Variants in NDFIP2 observed in about 807,000 individuals in gnomAD.
NDFIP2 encodes the protein NEDD4 family-interacting protein 2.
In NDFIP2, 19 loss-of-function variants were observed where a neutral mutation model predicts 36.0. The ratio of observed to expected loss-of-function variants is 0.53; its 90% CI spans 0.37 to 0.77. NDFIP2 has a LOEUF of 0.77. Ranked by LOEUF, NDFIP2 falls within the 30% of genes least tolerant of loss-of-function variation. The pLI, the probability that NDFIP2 is intolerant of heterozygous loss-of-function variation, is 0.00. For missense variants in NDFIP2, 446 were observed against 435.8 expected, an observed-to-expected ratio of 1.02 and a Z score of -0.21; for synonymous variants, 181 against 167.7, an observed-to-expected ratio of 1.08 and a Z score of -0.61.
Position 79,481,439 on chromosome 13 carries a change from A to G in NDFIP2, c.236A>G (p.His79Arg), listed in dbSNP as rs1434544862. Reference protein sequence around the residue: ...SSTGVAVGAEHGEDSLSRKPD... With the variant: ...SSTGVAVGAERGEDSLSRKPD... ...ACGGGGGTGGCCGTGGGAGCTGAGCACGGAGAAGACTCCCTCTCTCGGAAG... is the reference window on the plus strand; with the variant it reads ...ACGGGGGTGGCCGTGGGAGCTGAGCGCGGAGAAGACTCCCTCTCTCGGAAG... The change falls in exon 1 of 8, where the codon CAC becomes CGC. Residue 79 changes from histidine to arginine, a missense_variant. This residue lies in a region of NDFIP2 where 369 missense variants were observed against 304.8 expected (regional missense o/e 1.21). Transcript: ENST00000218652. 2.6e-6 allele frequency: 4 copies of G among 1,561,740 alleles called. No individual in the cohort carries two copies. In the South Asian group the frequency reaches 3.5e-5, roughly 14 times the overall value.
chr13:79,505,330 G>A lies in NDFIP2; in HGVS notation c.322-15480G>A, dbSNP rs527567424. On this transcript the variant is annotated intron_variant, in intron 1 of 7. Transcript: ENST00000218652. Reference sequence around the variant, plus strand: ...TGGGTGTGTTATCCTTACTGTGGGAGTTCTAAAGAATAAGTAGTTGCCGGC... The same window carrying A: ...TGGGTGTGTTATCCTTACTGTGGGAATTCTAAAGAATAAGTAGTTGCCGGC... 7.7e-4 allele frequency among the ~76,000 whole-genome samples: 117 copies of A among 152,276 alleles called. 1 individual carries two copies. Among genetic ancestry groups the A allele is most frequent in the African/African-American group, 2.7e-3 (112 of 41,562 alleles).
intron 2 of NDFIP2, among the ~76,000 whole-genome samples, chr13:79,530,157 T>C (rs922472288): frequency 1.3e-5 from 2 of 151,128 alleles, no homozygotes; most frequent in African/African-American, 4.9e-5. Context: ...ATTTCTTTTC[T>C]TTTTTTTTAG....
rs1161152783 is a variant in NDFIP2 at position 79,551,117 on chromosome 13, G to T, written c.1008G>T (p.Leu336Phe). 6.3e-7 allele frequency: 1 copy of T among 1,576,624 alleles called. No homozygotes were observed. Among genetic ancestry groups the T allele is most frequent in the Middle Eastern group, 1.7e-4 (1 of 5,916 alleles). ...ATAGAACAAGGTATTTCTTCTTATT[G>T]TAGAGGTAAGAAATATTAATCTGTG... is the stretch of plus-strand genomic sequence containing the variant. ...AAHRTRYFFL[L>F] The change falls in exon 7 of 8, where the codon TTG becomes TTT. Residue 336 changes from leucine (L) to phenylalanine (F), a missense_variant. By Grantham distance (22) the Leu-to-Phe change is conservative. Transcript: ENST00000218652.
In NDFIP2 at chr13:79,543,662, A is replaced by C; in HGVS notation, c.820A>C (p.Lys274Gln). 6.2e-7 allele frequency: 1 copy of C among 1,613,888 alleles called. No homozygotes were observed. The highest frequency in any genetic ancestry group is 8.5e-7 in the Non-Finnish European group (1 of 1,179,876). ...CTGCGGATTTGGCCTTTCCTTGATC[A>C]AATGGATCCTTATTGTCAGGGTGAG... The part of the protein sequence containing the change: ...AICGFGLSLI[K>Q]WILIVRFSDY... The change falls in exon 5 of 8, where the codon AAA (lysine) becomes CAA (glutamine). Residue 274 changes from lysine (K) to glutamine (Q), a missense_variant. This residue lies in a region of NDFIP2 where 77 missense variants were observed against 131.0 expected (regional missense o/e 0.59). Coordinates refer to ENST00000218652, the MANE Select transcript of NDFIP2 (RefSeq NM_019080.3).
intron 1 of NDFIP2, among the ~76,000 whole-genome samples, chr13:79,510,148 G>T (rs1224598296): frequency 6.6e-6 from 1 of 152,102 alleles, no homozygotes; most frequent in African/African-American, 2.4e-5. Flanking sequence ...ATAAAAAGTT[G>T]TCCCTTTTGT....
Position 79,481,497 on chromosome 13 carries a change from C to G in NDFIP2, c.294C>G (p.His98Gln), listed in dbSNP as rs1210090262. The G allele has an allele frequency of 6.4e-6, 10 of 1,556,840 alleles. No homozygotes were observed. In the South Asian group the frequency reaches 1.2e-4, roughly 18 times the overall value. ...PDPEPGRMDH[H>Q]QPGTGRYQVL... Reference sequence around the variant, plus strand: ...CCGAGCCGGGCAGGATGGATCACCACCAGCCGGGGACTGGGCGCTACCAGG... The same window carrying G: ...CCGAGCCGGGCAGGATGGATCACCAGCAGCCGGGGACTGGGCGCTACCAGG... Residue 98 changes from histidine (H) to glutamine (Q), a missense_variant, in exon 1 of 8, where the codon CAC becomes CAG. Around this residue, in one of 2 missense-constraint regions of NDFIP2, gnomAD observed 369 missense variants for 304.8 expected, o/e 1.21. Transcript: ENST00000218652.
At chr13:79,535,455 A>C (rs995065458) in intron 3 of NDFIP2, among the ~76,000 whole-genome samples, 2 of 152,178 alleles carry the variant, frequency 1.3e-5, no homozygotes, top group Non-Finnish European at 1.5e-5. Flanking sequence ...CCTGTTTTAG[A>C]AAGTAAATGT....
chr13:79,547,065 A>T (rs1384667072), intron 5 of NDFIP2, among the ~76,000 whole-genome samples: 1 of 151,968 alleles, frequency 6.6e-6, no homozygotes, highest in East Asian at 1.9e-4. Flanking sequence ...TTACTATAAA[A>T]TTTAAAATAT....
rs1239719317 is a variant in NDFIP2, at chr13:79,481,365, C to T, written c.162C>T (p.Arg54=). 4 of 1,552,502 alleles carry T rather than the reference C, an allele frequency of 2.6e-6. No individual in the cohort carries two copies. The highest frequency in any genetic ancestry group is 3.5e-6 in the Non-Finnish European group (4 of 1,148,454). Residue 54 remains arginine (R), a synonymous_variant, in exon 1 of 8, where the codon CGC becomes CGT. Transcript: ENST00000218652. ...TGSEELPPGD[R]GCRNGGGRGP... ...GTGAAGAGCTTCCGCCGGGAGACCG[C>T]GGCTGCAGGAACGGAGGCGGAAGGG...
intron 2 of NDFIP2, among the ~76,000 whole-genome samples, chr13:79,524,524 C>T (rs942778264): frequency 6.6e-6 from 1 of 152,122 alleles, no homozygotes; most frequent in Non-Finnish European, 1.5e-5. Context: ...ATGCACTGGT[C>T]AAGGGACTGA....
intron 2 of NDFIP2, among the ~76,000 whole-genome samples, chr13:79,531,710 A>T (rs1875023373): frequency 6.6e-6 from 1 of 152,172 alleles, no homozygotes; most frequent in Non-Finnish European, 1.5e-5. Context: ...GTCTTCATAG[A>T]ATTGAAGAGA....
intron 1 of NDFIP2, among the ~76,000 whole-genome samples, chr13:79,499,172 A>G (rs543456038): frequency 6.6e-6 from 1 of 152,002 alleles, no homozygotes. Flanking sequence ...TAACAGGTTC[A>G]GAAAAAGCAT....
At chr13:79,519,858 T>C (rs533655336) in intron 1 of NDFIP2, among the ~76,000 whole-genome samples, 2 of 152,356 alleles carry the variant, frequency 1.3e-5, no homozygotes, top group East Asian at 3.9e-4. Flanking sequence ...TGGAGTGCAT[T>C]GGCGCAATTT....
intron 4 of NDFIP2, among the ~76,000 whole-genome samples, chr13:79,540,679 G>A (rs1008432827): frequency 3.9e-5 from 6 of 152,014 alleles, no homozygotes; most frequent in Non-Finnish European, 8.8e-5. Context: ...TACAGCCTTC[G>A]TGAGTTGTCA....
rs1041639658 is a variant in NDFIP2 at position 79,481,446 on chromosome 13, A to G, written c.243A>G (p.Glu81=). Residue 81 remains glutamate (E), a synonymous_variant, in exon 1 of 8, where the codon GAA becomes GAG. Coordinates refer to ENST00000218652, the MANE Select transcript of NDFIP2 (RefSeq NM_019080.3). ...TGVAVGAEHG[E]DSLSRKPDPE... ...TGGCCGTGGGAGCTGAGCACGGAGA[A>G]GACTCCCTCTCTCGGAAGCCGGATC... 2 of 1,562,208 alleles carry G rather than the reference A, an allele frequency of 1.3e-6. No individual in the cohort carries two copies. The highest frequency in any genetic ancestry group is 1.7e-6 in the Non-Finnish European group (2 of 1,153,028).
At position 79,553,585 on chromosome 13, in the gene NDFIP2, T is replaced by C. The variant is rs1875988220; in HGVS notation, c.*1072T>C. On this transcript the variant is annotated 3_prime_UTR_variant, in exon 8 of 8. Coordinates refer to ENST00000218652, the MANE Select transcript of NDFIP2 (RefSeq NM_019080.3). The stretch of plus-strand genomic sequence containing the variant: ...AAGCTTAGCAAATAAAATCTTGTAC[T>C]ATGAATAGCTTCTTGCTTTATGACT... 1 of 151,872 alleles carries C rather than the reference T, an allele frequency of 6.6e-6. No individual in the cohort carries two copies. The highest frequency in any genetic ancestry group is 2.1e-4 in the South Asian group (1 of 4,832). The allele number at this position is 151,872 out of a possible 1,614,324, so 9.4% of individuals were successfully genotyped here. A position where few individuals can be genotyped will look rare whatever the true frequency, so the allele number is the denominator to read the frequency against.
At chr13:79,516,085 G>A (rs2137080244) in intron 1 of NDFIP2, among the ~76,000 whole-genome samples, 1 of 151,996 alleles carries the variant, frequency 6.6e-6, no homozygotes, top group Non-Finnish European at 1.5e-5. Flanking sequence ...GTGGGACCCT[G>A]GAACAACAAG....
At chr13:79,513,873 GTA>G (rs750420592) in intron 1 of NDFIP2, among the ~76,000 whole-genome samples, 15 of 152,238 alleles carry the variant, frequency 9.9e-5, no homozygotes, top group South Asian at 6.2e-4. Context: ...TTTGAAGAGA[GTA>G]TGTTTTTGTT....
At chr13:79,489,595 T>A (rs184964639) in intron 1 of NDFIP2, among the ~76,000 whole-genome samples, 2 of 152,306 alleles carry the variant, frequency 1.3e-5, no homozygotes, top group African/African-American at 4.8e-5. Context: ...TAGATAGGGA[T>A]CAGCTTAGTC....
Sources: allele counts gnomAD v4.1 joint callset (sites outside exome capture counted in the v4.1 genomes callset), GRCh38; gene constraint gnomAD v4.1.1; regional missense constraint gnomAD v4.1.1; transcripts MANE v1.5; gene names NCBI Gene and HGNC (gene_info 2026-07-23, HGNC 2026-07-21).